The following IL1RAPL1 variants were observed in gnomAD, a reference collection of about 807,000 sequenced individuals.
IL1RAPL1 encodes interleukin 1 receptor accessory protein like 1, also known as interleukin-1 receptor accessory protein-like 1.
Under a neutral mutation model 48.4 loss-of-function variants are expected in IL1RAPL1, and 3 were observed. The observed-to-expected ratio is 0.06, with a 90% CI of 0.03 to 0.16. The LOEUF is 0.16. Among genes scored for constraint, IL1RAPL1 ranks in the 10% least tolerant of loss-of-function variants. The probability of loss-of-function intolerance (pLI) is 1.00; values close to 1 mark genes in which losing one functional copy is unlikely to be tolerated. For missense variants in IL1RAPL1, 349 were observed against 530.6 expected, an observed-to-expected ratio of 0.66 and a Z score of 3.36; for synonymous variants, 185 against 187.7, an observed-to-expected ratio of 0.99 and a Z score of 0.12.
chrX:28,817,533 A>G (rs1460711370), intron 2 of IL1RAPL1, among the ~76,000 whole-genome samples: 1 of 111,477 alleles, frequency 9.0e-6, no homozygotes, highest in East Asian at 2.8e-4. Flanking sequence ...GCTTAGAGAC[A>G]TTTCTGAACC....
intron 2 of IL1RAPL1, among the ~76,000 whole-genome samples, chrX:29,240,527 G>A (rs1331760314): frequency 5.5e-5 from 6 of 108,906 alleles, no homozygotes; most frequent in Non-Finnish European, 7.6e-5. Flanking sequence ...GAGCCACCTC[G>A]CCCGGCCTTA....
chrX:29,465,547 A>G (rs968967236), intron 5 of IL1RAPL1, among the ~76,000 whole-genome samples: 5 of 112,115 alleles, frequency 4.5e-5, no homozygotes, highest in Non-Finnish European at 9.4e-5. Flanking sequence ...TTGGCTATAC[A>G]TTGAAATCAC....
chrX:29,287,043 C>T (rs1475018784), intron 3 of IL1RAPL1, among the ~76,000 whole-genome samples: 4 of 110,901 alleles, frequency 3.6e-5, no homozygotes, highest in African/African-American at 1.3e-4. Context: ...AATGCCATCA[C>T]GTCTCAAGGG....
intron 2 of IL1RAPL1, among the ~76,000 whole-genome samples, chrX:28,847,020 T>C (rs762991684): frequency 9.8e-5 from 11 of 111,811 alleles, no homozygotes; most frequent in Non-Finnish European, 1.7e-4. Context: ...ATCAATCTGC[T>C]TAGTTGACAT....
intron 2 of IL1RAPL1, among the ~76,000 whole-genome samples, chrX:29,007,087 C>A (rs1926002516): frequency 9.0e-6 from 1 of 111,667 alleles, no homozygotes; most frequent in East Asian, 2.8e-4. Context: ...AAATTATATT[C>A]AACATTTGTG....
chrX:29,432,342 A>G (rs1026787378), intron 5 of IL1RAPL1, among the ~76,000 whole-genome samples: 10 of 111,432 alleles, frequency 9.0e-5, no homozygotes, highest in Non-Finnish European at 1.9e-4. Context: ...TCTGGGAGCT[A>G]GCCCTTTGAA....
chrX:29,294,865 T>G (rs1169003936), intron 3 of IL1RAPL1, among the ~76,000 whole-genome samples: 1 of 110,913 alleles, frequency 9.0e-6, no homozygotes, highest in Admixed American at 9.6e-5. Flanking sequence ...TTTCTGTAGG[T>G]GATAGTTAGA....
At chrX:28,589,645 A>G (rs1933886880) in intron 1 of IL1RAPL1, among the ~76,000 whole-genome samples, 1 of 111,492 alleles carries the variant, frequency 9.0e-6, no homozygotes, top group Non-Finnish European at 1.9e-5. Flanking sequence ...TGGAAAGTTA[A>G]ATTCATTGAA....
intron 2 of IL1RAPL1, among the ~76,000 whole-genome samples, chrX:29,148,580 G>A (rs1219742244): frequency 2.7e-5 from 3 of 111,935 alleles, no homozygotes; most frequent in Non-Finnish European, 5.6e-5. Flanking sequence ...CTTTGTTTTT[G>A]AGGAATATTC....
intron 2 of IL1RAPL1, among the ~76,000 whole-genome samples, chrX:29,160,158 T>C (rs1929653319): frequency 8.9e-6 from 1 of 112,199 alleles, no homozygotes; most frequent in Admixed American, 9.5e-5. Flanking sequence ...TGTTTTCTAT[T>C]TTAGTCTTTA....
chrX:29,026,248 A>T (rs1268321434), intron 2 of IL1RAPL1, among the ~76,000 whole-genome samples: 1 of 112,045 alleles, frequency 8.9e-6, no homozygotes, highest in Non-Finnish European at 1.9e-5. Context: ...AGGTAGTGTG[A>T]CTACTGATTT....
intron 5 of IL1RAPL1, among the ~76,000 whole-genome samples, chrX:29,477,337 A>T (rs189003448): frequency 1.3e-3 from 142 of 112,118 alleles, no homozygotes; most frequent in Non-Finnish European, 1.4e-3. Flanking sequence ...TGCTATTATT[A>T]ACCATCTCCT....
chrX:29,141,768 ACTCTT>A (rs1386026831), intron 2 of IL1RAPL1, among the ~76,000 whole-genome samples: 1 of 111,357 alleles, frequency 9.0e-6, no homozygotes, highest in Non-Finnish European at 1.9e-5. Flanking sequence ...TTAGCAGTGA[ACTCTT>A]CTCTAAGTTG....
chrX:29,518,392 G>A (rs945622487), intron 5 of IL1RAPL1, among the ~76,000 whole-genome samples: 11 of 111,050 alleles, frequency 9.9e-5, no homozygotes, highest in African/African-American at 3.6e-4. Flanking sequence ...TGCCAATGTT[G>A]CTGGTTTGGG....
intron 2 of IL1RAPL1, among the ~76,000 whole-genome samples, chrX:28,944,587 T>A (rs1480330539): frequency 9.0e-6 from 1 of 111,061 alleles, no homozygotes; most frequent in Admixed American, 9.7e-5. Flanking sequence ...GATTTTGTTC[T>A]GTTCACAATT....
intron 6 of IL1RAPL1, among the ~76,000 whole-genome samples, chrX:29,873,183 T>A (rs909396311): frequency 9.0e-6 from 1 of 111,003 alleles, no homozygotes; most frequent in African/African-American, 3.3e-5. Flanking sequence ...CAGTACCCTT[T>A]AAATAGGCTG....
intron 6 of IL1RAPL1, among the ~76,000 whole-genome samples, chrX:29,882,152 A>G (rs1273998871): frequency 8.9e-6 from 1 of 111,850 alleles, no homozygotes; most frequent in Non-Finnish European, 1.9e-5. Context: ...GCCTTCCTGT[A>G]TTCACCACCT....
chrX:29,387,817 A>T (rs950055825), intron 3 of IL1RAPL1, among the ~76,000 whole-genome samples: 1 of 108,909 alleles, frequency 9.2e-6, no homozygotes, highest in Non-Finnish European at 1.9e-5. Context: ...ACAGGGTGAA[A>T]CCCCGCCTCT....
chrX:29,027,027 T>A (rs1164050693), intron 2 of IL1RAPL1, among the ~76,000 whole-genome samples: 3 of 112,011 alleles, frequency 2.7e-5, no homozygotes, highest in African/African-American at 9.7e-5. Flanking sequence ...TTGATGAACC[T>A]ACATCAATAC....
Sources: gnomAD v4.1 joint callset for allele counts (sites outside exome capture counted in the v4.1 genomes callset) on GRCh38, gnomAD v4.1.1 for gene constraint, MANE v1.5 for transcripts, NCBI Gene and HGNC (gene_info 2026-07-23, HGNC 2026-07-21) for gene names.